Variants in EHD3 observed in about 807,000 individuals in gnomAD.
EHD3 encodes EH domain containing 3, also known as EH domain-containing protein 3.
EHD3 carries 17 observed loss-of-function variants against 43.0 expected under a neutral mutation model. The observed-to-expected ratio is 0.40, with a 90% CI of 0.27 to 0.59. The LOEUF is 0.59. EHD3 is among the 20% of genes least tolerant of loss of function. EHD3 has a pLI of 0.49. For missense variants in EHD3, 594 were observed against 705.6 expected (o/e 0.84, Z 1.79); for synonymous variants, 313 against 289.5 (o/e 1.08, Z -0.82).
At chr2:31,237,062 A>G (rs966966085) in intron 1 of EHD3, among the ~76,000 whole-genome samples, 5 of 152,262 alleles carry the variant, frequency 3.3e-5, no homozygotes, top group South Asian at 4.1e-4. Flanking sequence ...AATTTAGCTC[A>G]TGCGTCAAAA....
At chr2:31,236,280 T>C (rs1425076064) in intron 1 of EHD3, among the ~76,000 whole-genome samples, 1 of 152,126 alleles carries the variant, frequency 6.6e-6, no homozygotes, top group Non-Finnish European at 1.5e-5. Flanking sequence ...CTGAAGGAGT[T>C]TGGGAGGTGA....
At chr2:31,248,408 C>T (rs558691972) in intron 2 of EHD3, among the ~76,000 whole-genome samples, 3 of 152,300 alleles carry the variant, frequency 2.0e-5, no homozygotes, top group Admixed American at 2.0e-4. Context: ...CATCTGACTT[C>T]TCTCAGGGTG....
rs774039230 is a variant in EHD3 at position 31,266,561 on chromosome 2, G to A, written c.1465G>A (p.Asp489Asn). 1.2e-5 allele frequency: 20 copies of A among 1,614,038 alleles called. No individual in the cohort carries two copies. In the Admixed American group the frequency reaches 1.3e-4, roughly 11 times the overall value. The change falls in exon 6 of 6, where the codon GAC becomes AAC. Residue 489 changes from aspartate (D) to asparagine (N), a missense_variant. Physicochemically the swap from Asp to Asn is conservative, Grantham distance 23. Around this residue, in one of 3 missense-constraint regions of EHD3, gnomAD observed 322 missense variants for 348.0 expected, o/e 0.93. Coordinates refer to ENST00000322054, the MANE Select transcript of EHD3 (RefSeq NM_014600.3). The surrounding 1 kb of genome is among the most constrained non-coding windows in gnomAD (Gnocchi z 5.1). ...SVLGKIWKLA[D>N]IDKDGMLDDD... ...GCTGGGCAAGATCTGGAAGCTGGCC[G>A]ACATTGACAAGGATGGCATGCTGGA...
intron 5 of EHD3, 133 bp downstream of exon 5, chr2:31,261,846 C>G (rs1461450186): frequency 3.9e-5 from 38 of 965,922 alleles, no homozygotes; most frequent in Non-Finnish European, 5.2e-5. Context: ...AAGGAGGTGG[C>G]CCTGGATCTA....
At position 31,235,840 on chromosome 2, in the gene EHD3, A is replaced by G. The variant is rs75214449; in HGVS notation, c.227+992A>G. Reference sequence around the variant, plus strand: ...TTCACTCCAGTCCTCAATCTTCCCAACTTCAAGGCCAGCCATTTTCTTGGC... The same window carrying G: ...TTCACTCCAGTCCTCAATCTTCCCAGCTTCAAGGCCAGCCATTTTCTTGGC... On this transcript the variant is annotated intron_variant, in intron 1 of 5. Coordinates refer to ENST00000322054, the MANE Select transcript of EHD3 (RefSeq NM_014600.3). Among the ~76,000 whole-genome samples, 58 of 152,190 alleles carry G rather than the reference A, an allele frequency of 3.8e-4. No homozygotes were observed. In the East Asian group the frequency reaches 7.2e-3, roughly 19 times the overall value.
chr2:31,255,607 T>A (rs1355052998), intron 3 of EHD3, among the ~76,000 whole-genome samples: 1 of 152,094 alleles, frequency 6.6e-6, no homozygotes, highest in Non-Finnish European at 1.5e-5. Flanking sequence ...TGCACCTAAG[T>A]CCAGGCCAAG....
chr2:31,257,080 C>A (rs1683765473), intron 3 of EHD3, among the ~76,000 whole-genome samples: 1 of 152,234 alleles, frequency 6.6e-6, no homozygotes, highest in Admixed American at 6.5e-5. Flanking sequence ...TGCACTGGCA[C>A]AGCTAAAATC....
chr2:31,252,993 G>A (rs986831082), intron 3 of EHD3, among the ~76,000 whole-genome samples: 6 of 152,150 alleles, frequency 3.9e-5, no homozygotes, highest in African/African-American at 1.2e-4. Flanking sequence ...GGGGAAGGGC[G>A]TCAGACACCC....
chr2:31,244,442 C>T lies in EHD3; in HGVS notation c.396C>T (p.Phe132=). 1 of 1,613,906 alleles carries T rather than the reference C, an allele frequency of 6.2e-7. No individual in the cohort carries two copies. The highest frequency in any genetic ancestry group is 8.5e-7 in the Non-Finnish European group (1 of 1,179,940). ...FRKLNAFGNA[F]LNRFVCAQLP... ...AACTCAACGCCTTTGGCAACGCCTT[C>T]TTGAACAGGTGAGTGTGGAGGGAAC... is the stretch of plus-strand genomic sequence containing the variant. The change falls in exon 2 of 6, where the codon TTC becomes TTT. Residue 132 remains phenylalanine (F), a synonymous_variant. Coordinates refer to ENST00000322054, the MANE Select transcript of EHD3 (RefSeq NM_014600.3).
intron 3 of EHD3, among the ~76,000 whole-genome samples, chr2:31,255,870 A>T (rs182542576): frequency 6.6e-6 from 1 of 152,336 alleles, no homozygotes; most frequent in African/African-American, 2.4e-5. Context: ...AGGCAGAGGC[A>T]GACTTCACAC....
intron 2 of EHD3, among the ~76,000 whole-genome samples, chr2:31,245,549 ATATATTTTT>A (rs1175932504): frequency 0.086 from 3,929 of 45,792 alleles, 18 homozygotes; most frequent in Non-Finnish European, 0.093. Flanking sequence ...ATATATATAT[ATATATTTTT>A]TTTTTTTTTT....
chr2:31,245,553 A>ATATATATATT (rs1446415610), intron 2 of EHD3, among the ~76,000 whole-genome samples: 68 of 35,052 alleles, frequency 1.9e-3, no homozygotes, highest in African/African-American at 5.6e-3. Flanking sequence ...ATATATATAT[A>ATATATATATT]TTTTTTTTTT....
At chr2:31,235,853 C>T (rs1414848847) in intron 1 of EHD3, among the ~76,000 whole-genome samples, 1 of 152,216 alleles carries the variant, frequency 6.6e-6, no homozygotes, top group Non-Finnish European at 1.5e-5. Flanking sequence ...TCAAGGCCAG[C>T]CATTTTCTTG....
At chr2:31,237,874 G>A (rs537837067) in intron 1 of EHD3, among the ~76,000 whole-genome samples, 1 of 152,088 alleles carries the variant, frequency 6.6e-6, no homozygotes, top group East Asian at 1.9e-4. Flanking sequence ...GTGTATATAC[G>A]ATTCTTCACT....
intron 3 of EHD3, among the ~76,000 whole-genome samples, chr2:31,253,074 A>G (rs1293494206): frequency 2.6e-5 from 4 of 151,792 alleles, no homozygotes; most frequent in Admixed American, 6.6e-5. Context: ...CTTTCTCACA[A>G]TTGGCCTTAG....
In EHD3 at chr2:31,251,019, G is replaced by A. The variant is rs546931492; in HGVS notation, c.502+1551G>A. ...TTTCTGCAAGAGCATGGCCTGCCCAGGCCAGCACTGCTCACCCCAGACCCC... is the reference window on the plus strand; with the variant it reads ...TTTCTGCAAGAGCATGGCCTGCCCAAGCCAGCACTGCTCACCCCAGACCCC... On this transcript the variant is annotated intron_variant, in intron 3 of 5. Transcript: ENST00000322054. 1.6e-3 allele frequency among the ~76,000 whole-genome samples: 239 copies of A among 152,292 alleles called. 2 individuals are homozygous for A. Among genetic ancestry groups the A allele is most frequent in the Non-Finnish European group, 2.4e-3 (164 of 68,020 alleles).
chr2:31,256,420 GTTTCCACGT>G (rs912483632), intron 3 of EHD3, among the ~76,000 whole-genome samples: 1 of 152,182 alleles, frequency 6.6e-6, no homozygotes, highest in African/African-American at 2.4e-5. Flanking sequence ...CGTGGAACAG[GTTTCCACGT>G]TTTCCACGTT....
intron 1 of EHD3, among the ~76,000 whole-genome samples, chr2:31,240,335 C>T (rs947671105): frequency 6.6e-6 from 1 of 152,218 alleles, no homozygotes; most frequent in African/African-American, 2.4e-5. Context: ...ATGTTTTCTC[C>T]TGGCAACAGA....
At position 31,261,733 on chromosome 2, in the gene EHD3, C is replaced by G. The variant is rs766061771; in HGVS notation, c.1080+20C>G. 2 of 1,612,766 alleles carry G rather than the reference C, an allele frequency of 1.2e-6. No individual in the cohort carries two copies. Among genetic ancestry groups the G allele is most frequent in the South Asian group, 1.1e-5 (1 of 90,856 alleles). Reference sequence around the variant, plus strand: ...ATGCAGGTAGCGAGGGCTGGGGTCTCTAAGACAAGGGACAGTGTCCCGAGA... The same window carrying G: ...ATGCAGGTAGCGAGGGCTGGGGTCTGTAAGACAAGGGACAGTGTCCCGAGA... On this transcript the variant is annotated intron_variant, in intron 5 of 5. Transcript: ENST00000322054.
Sources: gnomAD v4.1 joint callset for allele counts (sites outside exome capture counted in the v4.1 genomes callset) on GRCh38, gnomAD v4.1.1 for gene constraint, gnomAD v4.1.1 regional missense constraint, Gnocchi (gnomAD v3.1) non-coding constraint, MANE v1.5 for transcripts, NCBI Gene and HGNC (gene_info 2026-07-23, HGNC 2026-07-21) for gene names.